Variants in LHFPL2 observed in about 807,000 individuals in gnomAD.
The protein encoded by LHFPL2 is LHFPL tetraspan subfamily member 2 protein.
A neutral mutation model predicts 17.5 loss-of-function variants in LHFPL2; 7 were observed. That is an observed-to-expected ratio of 0.40 (90% CI 0.23 to 0.75). The LOEUF is 0.75. LHFPL2 is among the 30% of genes least tolerant of loss of function. The pLI is 0.37. For missense variants in LHFPL2, 241 were observed against 294.8 expected, an observed-to-expected ratio of 0.82 and a Z score of 1.34; for synonymous variants, 134 against 116.2, an observed-to-expected ratio of 1.15 and a Z score of -0.99.
chr5:78,518,248 C>A (rs1279333808), intron 3 of LHFPL2, among the ~76,000 whole-genome samples: 3 of 152,296 alleles, frequency 2.0e-5, no homozygotes, highest in Admixed American at 2.0e-4. Context: ...CTTGTGTCTT[C>A]TCAGGATAAT....
intron 4 of LHFPL2, among the ~76,000 whole-genome samples, chr5:78,490,117 C>T (rs1263844092): frequency 1.3e-5 from 2 of 152,224 alleles, no homozygotes; most frequent in Admixed American, 1.3e-4. Context: ...AGAGAGTGGA[C>T]ACTAATAAGC....
intron 3 of LHFPL2, among the ~76,000 whole-genome samples, chr5:78,520,058 T>C (rs1277163174): frequency 6.6e-6 from 1 of 151,918 alleles, no homozygotes; most frequent in East Asian, 1.9e-4. Context: ...GTAAGGAAAG[T>C]CGCTGCCACG....
chr5:78,590,678 G>A (rs2112459658), intron 2 of LHFPL2, among the ~76,000 whole-genome samples: 1 of 152,216 alleles, frequency 6.6e-6, no homozygotes, highest in Non-Finnish European at 1.5e-5. Flanking sequence ...GCTACGAAGG[G>A]CCTTTTACCC....
At chr5:78,634,802 A>G (rs1227326622) in intron 1 of LHFPL2, among the ~76,000 whole-genome samples, 1 of 152,190 alleles carries the variant, frequency 6.6e-6, no homozygotes, top group Non-Finnish European at 1.5e-5. Context: ...GTTCTTATCA[A>G]TTTCTGCCTT....
chr5:78,614,838 A>G (rs1347045896), intron 2 of LHFPL2, among the ~76,000 whole-genome samples: 1 of 152,238 alleles, frequency 6.6e-6, no homozygotes, highest in Non-Finnish European at 1.5e-5. Context: ...AAAACCTATG[A>G]GATAACACTG....
At chr5:78,531,587 T>C (rs192056840) in intron 3 of LHFPL2, among the ~76,000 whole-genome samples, 1 of 152,302 alleles carries the variant, frequency 6.6e-6, no homozygotes, top group African/African-American at 2.4e-5. Flanking sequence ...CCTTAAATTA[T>C]GCACCAAAGG....
intron 1 of LHFPL2, chr5:78,644,130 T>C (rs1185354954): frequency 2.0e-6 from 1 of 502,262 alleles, no homozygotes; most frequent in Non-Finnish European, 3.5e-6. Context: ...GTGTGTTAAC[T>C]ATACAAAAAA....
chr5:78,497,723 G>T (rs1347933021), intron 4 of LHFPL2, among the ~76,000 whole-genome samples: 1 of 152,216 alleles, frequency 6.6e-6, no homozygotes, highest in African/African-American at 2.4e-5. Flanking sequence ...CCAACAGAAC[G>T]CCAGCTACAC....
At chr5:78,584,706 T>G (rs1743298473) in intron 2 of LHFPL2, among the ~76,000 whole-genome samples, 1 of 152,272 alleles carries the variant, frequency 6.6e-6, no homozygotes, top group Middle Eastern at 3.4e-3. Flanking sequence ...ACAGGGACAT[T>G]TAAGTCTGCA....
chr5:78,545,883 A>C (rs1368699436), intron 3 of LHFPL2, among the ~76,000 whole-genome samples: 1 of 152,246 alleles, frequency 6.6e-6, no homozygotes, highest in African/African-American at 2.4e-5. Flanking sequence ...AGTCAAGGGC[A>C]GACCCTCAAA....
At chr5:78,582,461 G>A (rs563817334) in intron 2 of LHFPL2, among the ~76,000 whole-genome samples, 85 of 150,814 alleles carry the variant, frequency 5.6e-4, no homozygotes, top group Non-Finnish European at 8.9e-4. Flanking sequence ...CTTTGAATGC[G>A]TCCCAGAGAT....
chr5:78,591,058 C>T (rs145495990), intron 2 of LHFPL2, among the ~76,000 whole-genome samples: 101 of 152,236 alleles, frequency 6.6e-4, no homozygotes, highest in African/African-American at 2.3e-3. Flanking sequence ...AACCTAGTGA[C>T]AAAATGAATG....
At chr5:78,506,904 CAG>C (rs1439802702) in intron 4 of LHFPL2, among the ~76,000 whole-genome samples, 1 of 152,072 alleles carries the variant, frequency 6.6e-6, no homozygotes, top group African/African-American at 2.4e-5. Context: ...GCATAAGTAA[CAG>C]GGGTAGGGAG....
intron 3 of LHFPL2, among the ~76,000 whole-genome samples, chr5:78,540,578 A>G (rs1756081551): frequency 6.6e-6 from 1 of 152,192 alleles, no homozygotes; most frequent in South Asian, 2.1e-4. Flanking sequence ...CACACTGGTG[A>G]TGGTAGGTCT....
intron 2 of LHFPL2, among the ~76,000 whole-genome samples, chr5:78,583,263 G>T (rs1177034324): frequency 4.0e-5 from 6 of 151,594 alleles, no homozygotes; most frequent in Non-Finnish European, 7.4e-5. Flanking sequence ...CTTTTAATTG[G>T]AGCATTTAGT....
At chr5:78,554,916 A>C (rs147716832) in intron 3 of LHFPL2, among the ~76,000 whole-genome samples, 2,140 of 152,344 alleles carry the variant, frequency 0.014, 44 homozygotes, top group African/African-American at 0.049. Context: ...CCCCTGGGGA[A>C]GGATATTTTG....
chr5:78,540,637 G>C (rs1368407505), intron 3 of LHFPL2, among the ~76,000 whole-genome samples: 1 of 152,216 alleles, frequency 6.6e-6, no homozygotes, highest in East Asian at 1.9e-4. Flanking sequence ...TGGCACCTGT[G>C]GTCCAAGGCA....
chr5:78,538,361 A>G (rs1756010712), intron 3 of LHFPL2, among the ~76,000 whole-genome samples: 1 of 152,212 alleles, frequency 6.6e-6, no homozygotes, highest in African/African-American at 2.4e-5. Flanking sequence ...AATAGCAAAC[A>G]TTCAAAGATT....
intron 2 of LHFPL2, among the ~76,000 whole-genome samples, chr5:78,621,806 T>C (rs1333987775): frequency 6.6e-6 from 1 of 152,164 alleles, no homozygotes; most frequent in Non-Finnish European, 1.5e-5. Context: ...TGGTGTGTGA[T>C]ACATTGCTAT....
Sources: gnomAD v4.1 joint callset for allele counts (sites outside exome capture counted in the v4.1 genomes callset) on GRCh38, gnomAD v4.1.1 for gene constraint, MANE v1.5 for transcripts, NCBI Gene and HGNC (gene_info 2026-07-23, HGNC 2026-07-21) for gene names.